SHISA9: variants seen among roughly 807,000 people sequenced by gnomAD.
The protein encoded by SHISA9 is protein shisa-9.
SHISA9 carries 13 observed loss-of-function variants against 38.0 expected under a neutral mutation model. That is an observed-to-expected ratio of 0.34 (90% confidence interval 0.22 to 0.54). SHISA9 has a LOEUF of 0.54. SHISA9 is among the 20% of genes least tolerant of loss of function. The probability of loss-of-function intolerance (pLI) is 0.91; values close to 1 mark genes in which losing one functional copy is unlikely to be tolerated. For missense variants in SHISA9, 538 were observed against 575.8 expected (o/e 0.93, Z 0.67); for synonymous variants, 275 against 242.0 (o/e 1.14, Z -1.27).
At chr16:13,069,153 A>G (rs1252596596) in intron 2 of SHISA9, among the ~76,000 whole-genome samples, 1 of 150,824 alleles carries the variant, frequency 6.6e-6, no homozygotes, top group Non-Finnish European at 1.5e-5. Context: ...ATATGCATGT[A>G]TGTGTATATA....
the SHISA9 span, among the ~76,000 whole-genome samples, chr16:13,435,022 G>A: frequency 6.6e-6 from 1 of 152,156 alleles, no homozygotes; most frequent in Non-Finnish European, 1.5e-5. Flanking sequence ...CAAATGTGTT[G>A]TGTGACAAGA....
the SHISA9 span, among the ~76,000 whole-genome samples, chr16:13,320,786 C>G: frequency 2.0e-5 from 3 of 152,204 alleles, no homozygotes; most frequent in African/African-American, 7.2e-5. Context: ...TGAAAGTTTC[C>G]TCTTCACAGC....
chr16:13,436,984 C>T, the SHISA9 span, among the ~76,000 whole-genome samples: 1 of 152,218 alleles, frequency 6.6e-6, no homozygotes, highest in Non-Finnish European at 1.5e-5. Context: ...GGGGAACTGC[C>T]CTTTATAAAC....
chr16:13,069,663 A>G (rs893290766), intron 2 of SHISA9, among the ~76,000 whole-genome samples: 3 of 151,888 alleles, frequency 2.0e-5, no homozygotes, highest in Admixed American at 6.6e-5. Flanking sequence ...TGGTGTATGT[A>G]TGTGTGTGTG....
rs528692050 is a variant in SHISA9 at position 13,077,347 on chromosome 16, C to G, written c.692-126047C>G. 1.1e-3 allele frequency among the ~76,000 whole-genome samples: 173 copies of G among 152,134 alleles called. 1 individual carries two copies. Among genetic ancestry groups the G allele is most frequent in the Admixed American group, 2.2e-3 (33 of 15,272 alleles). On this transcript the variant is annotated intron_variant, in intron 2 of 4. Coordinates refer to ENST00000558583, the MANE Select transcript of SHISA9 (RefSeq NM_001145204.3). ...CTCCCTCAGCATGGCAAGCTCAACA[C>G]CCCCACATTGACTTGTCCTCATATT...
chr16:13,281,917 A>T, the SHISA9 span, among the ~76,000 whole-genome samples: 1 of 151,602 alleles, frequency 6.6e-6, no homozygotes, highest in Non-Finnish European at 1.5e-5. Context: ...TGCTTTATAT[A>T]CTTGTTTTAT....
At chr16:13,546,331 C>A in the SHISA9 span, among the ~76,000 whole-genome samples, 8 of 152,132 alleles carry the variant, frequency 5.3e-5, no homozygotes, top group Non-Finnish European at 1.0e-4. Context: ...AAATGCAAAT[C>A]AGTTTTGCAT....
intron 2 of SHISA9, among the ~76,000 whole-genome samples, chr16:13,024,513 A>G (rs77039143): frequency 6.6e-6 from 1 of 152,324 alleles, no homozygotes; most frequent in East Asian, 1.9e-4. Context: ...ATACATATGT[A>G]TTAAAGGATT....
chr16:13,425,877 C>G, the SHISA9 span, among the ~76,000 whole-genome samples: 3 of 152,272 alleles, frequency 2.0e-5, no homozygotes, highest in Non-Finnish European at 4.4e-5. Flanking sequence ...CAGAGTAACT[C>G]TGATACTGTA....
chr16:13,117,944 G>A (rs752057253), intron 2 of SHISA9, among the ~76,000 whole-genome samples: 2 of 152,140 alleles, frequency 1.3e-5, no homozygotes, highest in Admixed American at 6.5e-5. Context: ...CACTTTGGGA[G>A]GCTGAGGTGG....
chr16:13,339,700 C>A, the SHISA9 span, among the ~76,000 whole-genome samples: 1 of 152,246 alleles, frequency 6.6e-6, no homozygotes, highest in African/African-American at 2.4e-5. Flanking sequence ...GTTTAACCAT[C>A]TGGACTTTGA....
the SHISA9 span, among the ~76,000 whole-genome samples, chr16:13,424,026 T>A: frequency 1.3e-5 from 2 of 152,232 alleles, no homozygotes; most frequent in Admixed American, 6.5e-5. Flanking sequence ...TCTCTTTTGA[T>A]GAATTTGAAG....
the SHISA9 span, among the ~76,000 whole-genome samples, chr16:13,371,089 A>G: frequency 1.3e-5 from 2 of 152,188 alleles, no homozygotes; most frequent in African/African-American, 2.4e-5. Context: ...AACCTTTACA[A>G]TCCTACGTGG....
At chr16:13,500,792 G>A in the SHISA9 span, among the ~76,000 whole-genome samples, 2 of 152,150 alleles carry the variant, frequency 1.3e-5, no homozygotes, top group Non-Finnish European at 1.5e-5. Flanking sequence ...CTAACTAAGG[G>A]AGAAAGGAAG....
chr16:13,346,556 A>G, the SHISA9 span, among the ~76,000 whole-genome samples: 16 of 152,196 alleles, frequency 1.1e-4, no homozygotes, highest in Admixed American at 9.2e-4. Flanking sequence ...AAGAACAAAA[A>G]AATTGAGGTA....
At chr16:13,539,457 G>T in the SHISA9 span, among the ~76,000 whole-genome samples, 1 of 150,744 alleles carries the variant, frequency 6.6e-6, no homozygotes, top group Non-Finnish European at 1.5e-5. Flanking sequence ...GATTACAGGT[G>T]TCAACCACTA....
At chr16:12,994,106 T>C (rs56411823) in intron 2 of SHISA9, among the ~76,000 whole-genome samples, 16,429 of 152,220 alleles carry the variant, frequency 0.11, 1,054 homozygotes, top group Admixed American at 0.15. Context: ...TTTGGGTCTT[T>C]CCTGAGTGAA....
intron 1 of SHISA9, chr16:12,910,195 T>C (rs972618345): frequency 2.7e-4 from 41 of 152,588 alleles, no homozygotes; most frequent in Admixed American, 2.6e-3. Flanking sequence ...GGACCACAAT[T>C]GTCTCTTCTA....
intron 2 of SHISA9, among the ~76,000 whole-genome samples, chr16:13,028,955 A>G (rs540841025): frequency 6.6e-6 from 1 of 152,300 alleles, no homozygotes; most frequent in African/African-American, 2.4e-5. Context: ...TAAAGGTGCT[A>G]TTACTAGAAG....
Sources: allele counts gnomAD v4.1 joint callset (sites outside exome capture counted in the v4.1 genomes callset), GRCh38; gene constraint gnomAD v4.1.1; transcripts MANE v1.5; gene names NCBI Gene and HGNC (gene_info 2026-07-23, HGNC 2026-07-21).